Variants in FGF12 observed in about 807,000 individuals in gnomAD.
FGF12 encodes the protein fibroblast growth factor 12B.
FGF12 carries 14 observed loss-of-function variants against 23.6 expected under a neutral mutation model. The ratio of observed to expected loss-of-function variants is 0.59; its 90% CI spans 0.39 to 0.93. FGF12 has a LOEUF of 0.93. FGF12 is among the 40% of genes least tolerant of loss of function. The pLI is 0.00. For synonymous variants in FGF12, 62 were observed against 77.3 expected (o/e 0.80, Z 1.04); for missense variants, 175 against 217.8 (o/e 0.80, Z 1.24).
intron 4 of FGF12, among the ~76,000 whole-genome samples, chr3:192,197,257 T>TA (rs1717115557): frequency 6.6e-6 from 1 of 152,194 alleles, no homozygotes; most frequent in African/African-American, 2.4e-5. Flanking sequence ...TGAAACTCTA[T>TA]AGACAGTTAC....
chr3:192,404,060 C>G (rs1397875859), intron 2 of FGF12, among the ~76,000 whole-genome samples: 1 of 151,946 alleles, frequency 6.6e-6, no homozygotes, highest in Non-Finnish European at 1.5e-5. Context: ...TAATTCTACT[C>G]CATTACTTTT....
intron 2 of FGF12, among the ~76,000 whole-genome samples, chr3:192,403,029 G>A (rs147782632): frequency 6.9e-4 from 105 of 152,118 alleles, no homozygotes; most frequent in Non-Finnish European, 1.2e-3. Flanking sequence ...TACATCAAAA[G>A]CAAATATACA....
rs566804836 is a variant in FGF12 at position 192,299,795 on chromosome 3, G to C, written c.228+35566C>G. Among the ~76,000 whole-genome samples the C allele has an allele frequency of 2.1e-3, 324 of 152,300 alleles. 1 individual carries two copies. Among genetic ancestry groups the C allele is most frequent in the Middle Eastern group, 0.01 (3 of 294 alleles). On this transcript the variant is annotated intron_variant, in intron 4 of 5. Coordinates refer to ENST00000445105, the MANE Select transcript of FGF12 (RefSeq NM_004113.6). ...GACTGGAATGCCACATGAAGTCGTA[G>C]ACAGTGCTCTCTGTGCAATGAGTAA...
intron 2 of FGF12, among the ~76,000 whole-genome samples, chr3:192,510,506 C>T (rs949753153): frequency 1.3e-5 from 2 of 152,198 alleles, no homozygotes; most frequent in Non-Finnish European, 2.9e-5. Context: ...CAGGAACCTG[C>T]ATTCATTGCT....
At chr3:192,681,655 A>C (rs761640812) in intron 2 of FGF12, among the ~76,000 whole-genome samples, 22 of 152,230 alleles carry the variant, frequency 1.4e-4, no homozygotes, top group Non-Finnish European at 2.8e-4. Context: ...GTCATTTTTT[A>C]AAGTTTTCTA....
intron 4 of FGF12, among the ~76,000 whole-genome samples, chr3:192,264,424 A>C (rs1712949220): frequency 6.6e-6 from 1 of 152,174 alleles, no homozygotes; most frequent in Non-Finnish European, 1.5e-5. Flanking sequence ...AAAAGCGTCT[A>C]AGCAAAAAAA....
intron 2 of FGF12, among the ~76,000 whole-genome samples, chr3:192,494,540 CCTA>C (rs1723890320): frequency 2.0e-5 from 3 of 152,160 alleles, no homozygotes; most frequent in Admixed American, 6.5e-5. Context: ...GATTCCAAAT[CCTA>C]CTAATATCCT....
intron 4 of FGF12, among the ~76,000 whole-genome samples, chr3:192,177,004 A>G (rs1715901773): frequency 6.6e-6 from 1 of 152,234 alleles, no homozygotes; most frequent in Non-Finnish European, 1.5e-5. Context: ...AAAAGTAACC[A>G]CTTACAAGGT....
chr3:192,272,038 A>G (rs1713473887), intron 4 of FGF12, among the ~76,000 whole-genome samples: 1 of 152,118 alleles, frequency 6.6e-6, no homozygotes, highest in African/African-American at 2.4e-5. Flanking sequence ...GAGAGGGAAA[A>G]ATATTGACTT....
At chr3:192,394,484 T>C (rs78542596) in intron 2 of FGF12, among the ~76,000 whole-genome samples, 3,782 of 152,282 alleles carry the variant, frequency 0.025, 160 homozygotes, top group African/African-American at 0.087. Flanking sequence ...CATACAGATA[T>C]CTTGGAATAC....
At chr3:192,181,208 A>G (rs1716150139) in intron 4 of FGF12, among the ~76,000 whole-genome samples, 1 of 152,142 alleles carries the variant, frequency 6.6e-6, no homozygotes, top group Admixed American at 6.5e-5. Flanking sequence ...CAAGTCAGAA[A>G]GCAGGGGCCT....
chr3:192,627,674 A>G (rs1426031488), intron 2 of FGF12, among the ~76,000 whole-genome samples: 1 of 152,202 alleles, frequency 6.6e-6, no homozygotes, highest in Non-Finnish European at 1.5e-5. Context: ...TGAAATTTTT[A>G]CAAGATAATT....
intron 2 of FGF12, among the ~76,000 whole-genome samples, chr3:192,542,658 G>A (rs910353496): frequency 6.6e-6 from 1 of 151,782 alleles, no homozygotes; most frequent in Non-Finnish European, 1.5e-5. Context: ...GGCTTTCCAA[G>A]CATTCAAAGG....
intron 2 of FGF12, among the ~76,000 whole-genome samples, chr3:192,400,200 A>G (rs1720699457): frequency 6.6e-6 from 1 of 152,210 alleles, no homozygotes; most frequent in Non-Finnish European, 1.5e-5. Context: ...AACAATAGGC[A>G]GAAAAATAGA....
intron 2 of FGF12, among the ~76,000 whole-genome samples, chr3:192,453,776 A>T (rs1286145912): frequency 6.6e-6 from 1 of 152,094 alleles, no homozygotes; most frequent in Non-Finnish European, 1.5e-5. Flanking sequence ...TAGTCTCCCA[A>T]TTTCACGCTC....
chr3:192,221,058 G>C (rs1019415727), intron 4 of FGF12, among the ~76,000 whole-genome samples: 1 of 152,206 alleles, frequency 6.6e-6, no homozygotes, highest in Non-Finnish European at 1.5e-5. Context: ...AAAGGGAAGA[G>C]TACTGGTAAC....
chr3:192,662,525 T>C (rs1307592147), intron 2 of FGF12, among the ~76,000 whole-genome samples: 2 of 152,244 alleles, frequency 1.3e-5, no homozygotes, highest in Non-Finnish European at 2.9e-5. Flanking sequence ...TCTGACAAGC[T>C]GATTTCCATA....
At chr3:192,611,767 G>A (rs1451663753) in intron 2 of FGF12, among the ~76,000 whole-genome samples, 1 of 152,034 alleles carries the variant, frequency 6.6e-6, no homozygotes, top group Non-Finnish European at 1.5e-5. Context: ...AGGAGTACGA[G>A]AAAGAGTAAT....
At chr3:192,171,901 T>C (rs1438960155) in intron 4 of FGF12, among the ~76,000 whole-genome samples, 1 of 152,094 alleles carries the variant, frequency 6.6e-6, no homozygotes, top group African/African-American at 2.4e-5. Context: ...TCTCTCCCTC[T>C]CTCCTTTTTT....
Sources: gnomAD v4.1 joint callset for allele counts (sites outside exome capture counted in the v4.1 genomes callset) on GRCh38, gnomAD v4.1.1 for gene constraint, MANE v1.5 for transcripts, NCBI Gene and HGNC (gene_info 2026-07-23, HGNC 2026-07-21) for gene names.